Variants in LYRM7 observed in about 807,000 individuals in gnomAD.
The protein encoded by LYRM7 is complex III assembly factor LYRM7.
In LYRM7, 9 loss-of-function variants were observed where a neutral mutation model predicts 15.8. The ratio of observed to expected loss-of-function variants is 0.57; its 90% CI spans 0.34 to 0.99. The LOEUF (loss-of-function observed/expected upper bound fraction) is 0.99, where lower values mean the gene tolerates loss of function less well. Among genes scored for constraint, LYRM7 ranks in the 50% least tolerant of loss-of-function variants. The pLI is 0.02. For synonymous variants in LYRM7, 39 were observed against 39.4 expected (o/e 0.99, Z 0.04); for missense variants, 115 against 119.1 (o/e 0.97, Z 0.16).
intron 2 of LYRM7, 91 bp downstream of exon 2, chr5:131,180,258 T>G (rs561606436): frequency 1.3e-6 from 1 of 795,780 alleles, no homozygotes; most frequent in East Asian, 2.6e-5. Context: ...AGACCCATTT[T>G]AGGGAATGAC....
chr5:131,193,523 G>A (rs1415326368), intron 4 of LYRM7, among the ~76,000 whole-genome samples: 1 of 152,004 alleles, frequency 6.6e-6, no homozygotes, highest in African/African-American at 2.4e-5. Flanking sequence ...TACATAATGT[G>A]CTTGAAATAT....
chr5:131,178,569 C>T (rs1042891486), intron 1 of LYRM7, among the ~76,000 whole-genome samples: 1 of 152,160 alleles, frequency 6.6e-6, no homozygotes, highest in Non-Finnish European at 1.5e-5. Flanking sequence ...CACAATCTGT[C>T]TTTTACCAAA....
chr5:131,193,637 TCC>T (rs1295523893), intron 4 of LYRM7, among the ~76,000 whole-genome samples: 1 of 152,186 alleles, frequency 6.6e-6, no homozygotes, highest in East Asian at 1.9e-4. Flanking sequence ...AACTATGCTA[TCC>T]ATAATAATTT....
intron 3 of LYRM7, among the ~76,000 whole-genome samples, chr5:131,185,219 TC>T (rs1296805251): frequency 6.6e-6 from 1 of 152,120 alleles, no homozygotes; most frequent in Non-Finnish European, 1.5e-5. Context: ...CCATGACTCT[TC>T]ATCTCATTCA....
chr5:131,195,775 A>C (rs1449925470), intron 4 of LYRM7, among the ~76,000 whole-genome samples: 2 of 152,162 alleles, frequency 1.3e-5, no homozygotes, highest in African/African-American at 4.8e-5. Flanking sequence ...TATTGCCAAG[A>C]AACTCCAGGC....
chr5:131,195,095 C>A (rs947930997), intron 4 of LYRM7, among the ~76,000 whole-genome samples: 1 of 151,906 alleles, frequency 6.6e-6, no homozygotes, highest in Non-Finnish European at 1.5e-5. Flanking sequence ...GGTGAAACCC[C>A]GTCTCTACTG....
rs762250302 is a variant in LYRM7, at chr5:131,171,005, C to A, written c.-16C>A. On this transcript the variant is annotated 5_prime_UTR_variant, in exon 1 of 5. Transcript: ENST00000379380. ...ACTCGACTGCTCTGGAGGTAGCGGC[C>A]GCGGTGAGGAGAGCCATGGGACGGG... 1 of 1,543,724 alleles carries A rather than the reference C, an allele frequency of 6.5e-7. No individual in the cohort carries two copies.
At chr5:131,179,587 G>A (rs568015965) in intron 1 of LYRM7, among the ~76,000 whole-genome samples, 1 of 148,036 alleles carries the variant, frequency 6.8e-6, no homozygotes, top group East Asian at 2.0e-4. Context: ...TCCCACTTCA[G>A]CCGCCCAAGT....
chr5:131,191,080 C>T (rs1460722252), intron 4 of LYRM7, among the ~76,000 whole-genome samples: 1 of 150,954 alleles, frequency 6.6e-6, no homozygotes, highest in Non-Finnish European at 1.5e-5. Flanking sequence ...TTTAATTTTC[C>T]CACAGAATTA....
chr5:131,196,543 G>C (rs1311521555), intron 4 of LYRM7, among the ~76,000 whole-genome samples: 1 of 152,022 alleles, frequency 6.6e-6, no homozygotes, highest in Non-Finnish European at 1.5e-5. Flanking sequence ...GTGCAGATGT[G>C]ATATGACAAG....
chr5:131,177,865 C>T (rs1356605857), intron 1 of LYRM7, among the ~76,000 whole-genome samples: 1 of 152,044 alleles, frequency 6.6e-6, no homozygotes, highest in East Asian at 1.9e-4. Flanking sequence ...GCTGTTGGGC[C>T]TTCTCCCTTA....
chr5:131,175,964 T>C (rs1265280356), intron 1 of LYRM7, among the ~76,000 whole-genome samples: 1 of 152,078 alleles, frequency 6.6e-6, no homozygotes. Flanking sequence ...TTCACCATGT[T>C]GGCCAGGCTG....
intron 4 of LYRM7, among the ~76,000 whole-genome samples, chr5:131,189,444 CAAAAAAA>C (rs71000976): frequency 3.6e-3 from 167 of 46,176 alleles, no homozygotes; most frequent in African/African-American, 0.012. Flanking sequence ...CTCCGTCTCC[CAAAAAAA>C]AAAAAAAAAA....
At chr5:131,196,150 C>T (rs549747908) in intron 4 of LYRM7, among the ~76,000 whole-genome samples, 1 of 144,184 alleles carries the variant, frequency 6.9e-6, no homozygotes, top group African/African-American at 2.6e-5. Context: ...GTCGCTCAGG[C>T]TGGAGTGCAG....
chr5:131,199,520 T>TC lies in LYRM7; in HGVS notation c.245-11_245-10insC. Reference sequence around the variant, plus strand: ...TGATGTTAATTATTCTCTTTTTTTTTTTTCTTTCAGAACTGGTCCCTAGGA... The same window carrying TC: ...TGATGTTAATTATTCTCTTTTTTTTTCTTTCTTTCAGAACTGGTCCCTAGGA... On this transcript the variant is annotated splice_polypyrimidine_tract_variant and intron_variant, in intron 4 of 4. Transcript: ENST00000379380. The TC allele has an allele frequency of 6.4e-7, 1 of 1,565,772 alleles. No individual in the cohort carries two copies. Among genetic ancestry groups the TC allele is most frequent in the Non-Finnish European group, 8.6e-7 (1 of 1,158,036 alleles).
chr5:131,186,556 A>G (rs1412137990), intron 3 of LYRM7, among the ~76,000 whole-genome samples: 3 of 152,192 alleles, frequency 2.0e-5, no homozygotes, highest in Non-Finnish European at 4.4e-5. Context: ...TTTTTATTAT[A>G]TATACTTTCC....
At chr5:131,183,280 C>T (rs1755742319) in intron 3 of LYRM7, among the ~76,000 whole-genome samples, 1 of 152,064 alleles carries the variant, frequency 6.6e-6, no homozygotes. Context: ...TTTGCTGAAA[C>T]ATGATAGGGC....
chr5:131,192,035 A>G (rs1294160187), intron 4 of LYRM7, among the ~76,000 whole-genome samples: 2 of 36,184 alleles, frequency 5.5e-5, no homozygotes, highest in Non-Finnish European at 8.5e-5. Flanking sequence ...TGGTGCATAC[A>G]CACACACACA....
Position 131,184,733 on chromosome 5 carries a change from G to A in LYRM7, c.163-2295G>A, listed in dbSNP as rs540466511. On this transcript the variant is annotated intron_variant, in intron 3 of 4. Coordinates refer to ENST00000379380, the MANE Select transcript of LYRM7 (RefSeq NM_181705.4). ...TATTCCTCAACTAGCCTTGTTTCCA[G>A]CCTTATATCTAGGACTTGACTCAGT... Among the ~76,000 whole-genome samples the A allele has an allele frequency of 5.3e-5, 8 of 151,688 alleles. No individual in the cohort carries two copies. In the East Asian group the frequency reaches 1.6e-3, roughly 29 times the overall value.
Sources: gnomAD v4.1 joint callset for allele counts (sites outside exome capture counted in the v4.1 genomes callset) on GRCh38, gnomAD v4.1.1 for gene constraint, MANE v1.5 for transcripts, NCBI Gene and HGNC (gene_info 2026-07-23, HGNC 2026-07-21) for gene names.